RUSF1: variants seen among roughly 807,000 people sequenced by gnomAD.
RUSF1 encodes the protein RUS family member 1.
Under a neutral mutation model 63.0 loss-of-function variants are expected in RUSF1, and 58 were observed. The observed-to-expected ratio is 0.92, with a 90% CI of 0.75 to 1.15. RUSF1 has a LOEUF of 1.15. RUSF1 is among the 50% of genes most tolerant of loss of function. The pLI is 0.00. For missense variants in RUSF1, 652 were observed against 611.0 expected, an observed-to-expected ratio of 1.07 and a Z score of -0.71; for synonymous variants, 274 against 255.8, an observed-to-expected ratio of 1.07 and a Z score of -0.68.
Position 31,500,743 on chromosome 16 carries a change from A to G in RUSF1, c.416-12T>C, listed in dbSNP as rs1425177739. 2 of 1,612,090 alleles carry G rather than the reference A, an allele frequency of 1.2e-6. No individual in the cohort carries two copies. The highest frequency in any genetic ancestry group is 1.3e-5 in the African/African-American group (1 of 75,042). ...CATGCCAGTTGAATCTGGGGGAAAG[A>G]AGGCACAGGTAAGGAGCAAGGAAGA... On this transcript the variant is annotated splice_polypyrimidine_tract_variant and intron_variant, in intron 2 of 12. Coordinates refer to ENST00000327237, the MANE Select transcript of RUSF1 (RefSeq NM_022744.4).
chr16:31,490,756 G>A lies in RUSF1; in HGVS notation c.*79C>T, dbSNP rs1473841579. The A allele has an allele frequency of 6.7e-7, 1 of 1,503,314 alleles. No homozygotes were observed. The highest frequency in any genetic ancestry group is 9.2e-7 in the Non-Finnish European group (1 of 1,082,900). The allele number at this position is 1,503,314 out of a possible 1,614,324, so 93.1% of individuals were successfully genotyped here. On this transcript the variant is annotated 3_prime_UTR_variant, in exon 13 of 13. Coordinates refer to ENST00000327237, the MANE Select transcript of RUSF1 (RefSeq NM_022744.4). ...AGTTGCCCTAAGGAAAAATAAAGCT[G>A]CCTTTCCCCTGTCCTGCTGTGGCCA...
chr16:31,495,646 T>C (rs1463103714), intron 6 of RUSF1, among the ~76,000 whole-genome samples: 2 of 152,064 alleles, frequency 1.3e-5, no homozygotes, highest in African/African-American at 4.8e-5. Flanking sequence ...GGACCTGTGC[T>C]GTGCTTCCTG....
chr16:31,506,215 C>A (rs887575281), intron 2 of RUSF1, among the ~76,000 whole-genome samples: 1 of 152,274 alleles, frequency 6.6e-6, no homozygotes, highest in East Asian at 1.9e-4. Flanking sequence ...TTCATGCACA[C>A]CATTGAAAAT....
rs772859098 is a variant in RUSF1, at chr16:31,490,951, G to A, written c.1310-19C>T. The stretch of plus-strand genomic sequence containing the variant: ...TGCAGTCCTGGGGAGAGATCATGGG[G>A]TGCTGCCGGGAATGCTGGGGACAAG... On this transcript the variant is annotated intron_variant, in intron 12 of 12. Coordinates refer to ENST00000327237, the MANE Select transcript of RUSF1 (RefSeq NM_022744.4). 6.2e-7 allele frequency: 1 copy of A among 1,612,232 alleles called. No individual in the cohort carries two copies. Among genetic ancestry groups the A allele is most frequent in the South Asian group, 1.1e-5 (1 of 91,050 alleles).
Position 31,491,618 on chromosome 16 carries a change from C to CTTT in RUSF1, c.1309+388_1309+390dup, listed in dbSNP as rs955069758. On this transcript the variant is annotated intron_variant, in intron 12 of 12. Transcript: ENST00000327237. ...GGTGTGAGCCACTGTGCCCGACAGTCTTTTTTTTTTTTTTTTTTTTGAGAG... is the reference window on the plus strand; with the variant it reads ...GGTGTGAGCCACTGTGCCCGACAGTCTTTTTTTTTTTTTTTTTTTTTTTGAGAG... Among the ~76,000 whole-genome samples the CTTT allele has an allele frequency of 2.9e-3, 351 of 122,990 alleles. 6 individuals carry two copies. Among genetic ancestry groups the CTTT allele is most frequent in the African/African-American group, 0.01 (333 of 32,816 alleles). 80.7% of individuals were successfully genotyped at this position (122,990 alleles called of 152,430 possible).
rs1334827301 is a variant in RUSF1 at position 31,507,897 on chromosome 16, A to AG, written c.301-20dup. ...CAAACGCCTGGAGAAGAAAACAAGT[A>AG]GGGTGAGAAGCGGGCGTAGGAGCGT... On this transcript the variant is annotated intron_variant, in intron 1 of 12. Coordinates refer to ENST00000327237, the MANE Select transcript of RUSF1 (RefSeq NM_022744.4). 6.4e-6 allele frequency: 10 copies of AG among 1,551,486 alleles called. No individual in the cohort carries two copies. Among genetic ancestry groups the AG allele is most frequent in the African/African-American group, 1.4e-5 (1 of 73,088 alleles).
Position 31,489,910 on chromosome 16 carries a change from A to C in RUSF1, c.*925T>G. ...GGCCAACGGCTTTAAACACAAGCTC[A>C]GGGGCTTGGGGTTTATCCCGAGGGC... On this transcript the variant is annotated 3_prime_UTR_variant, in exon 13 of 13. Coordinates refer to ENST00000327237, the MANE Select transcript of RUSF1 (RefSeq NM_022744.4). 1 of 691,896 alleles carries C rather than the reference A, an allele frequency of 1.4e-6. No individual in the cohort carries two copies. The highest frequency in any genetic ancestry group is 1.8e-5 in the African/African-American group (1 of 56,676). The allele number at this position is 691,896 out of a possible 1,614,324, so 42.9% of individuals were successfully genotyped here. A position where few individuals can be genotyped will look rare whatever the true frequency, so the allele number is the denominator to read the frequency against.
At chr16:31,498,636 G>A (rs188530138) in intron 5 of RUSF1, among the ~76,000 whole-genome samples, 5 of 152,320 alleles carry the variant, frequency 3.3e-5, no homozygotes, top group Non-Finnish European at 7.3e-5. Context: ...GGGTTGTGCA[G>A]GCAACAGCTT....
chr16:31,495,164 G>A (rs1317333018), intron 6 of RUSF1, among the ~76,000 whole-genome samples: 2 of 152,182 alleles, frequency 1.3e-5, no homozygotes, highest in Non-Finnish European at 2.9e-5. Flanking sequence ...TCTAGGGGAA[G>A]GGACCCCAGG....
chr16:31,492,983 G>A lies in RUSF1; in HGVS notation c.1082C>T (p.Ser361Leu), dbSNP rs139919272. 4 of 1,610,272 alleles carry A rather than the reference G, an allele frequency of 2.5e-6. No homozygotes were observed. The African/African-American group carries it at 5.3e-5, about 22-fold the overall frequency. ...GGAGAATGAGGCACACTCACTTTGT[G>A]ACTGGTCCCAGCAGAGGAGGTAGGA... ...QESYLLCWDQSQNQVQVVLNQ... is the reference protein window; with the variant it reads ...QESYLLCWDQLQNQVQVVLNQ... Residue 361 changes from serine to leucine, a missense_variant, in exon 10 of 13, where the codon TCA (serine) becomes TTA (leucine). Physicochemically the swap from Ser to Leu is moderately radical, Grantham distance 145 (BLOSUM62 -2). Transcript: ENST00000327237.
In RUSF1 at chr16:31,508,326, G is replaced by A. The variant is rs1356397354; in HGVS notation, c.48C>T (p.Phe16=). The change falls in exon 1 of 13, where the codon TTC becomes TTT. Residue 16 remains phenylalanine, a synonymous_variant. Coordinates refer to ENST00000327237, the MANE Select transcript of RUSF1 (RefSeq NM_022744.4). The stretch of plus-strand genomic sequence containing the variant: ...GGCAGCCCCGTGCCTCCCCGGAGCC[G>A]AACTGCTCGGAACACAGCGGGGTCT... ...GLETPLCSEQ[F]GSGEARGCRA... The A allele has an allele frequency of 2.5e-6, 4 of 1,573,204 alleles. No homozygotes were observed. The African/African-American group carries it at 4.1e-5, about 16-fold the overall frequency.
At position 31,508,153 on chromosome 16, in the gene RUSF1, T is replaced by C. The variant is rs375345658; in HGVS notation, c.221A>G (p.Gln74Arg). The C allele has an allele frequency of 6.9e-6, 11 of 1,589,564 alleles. No homozygotes were observed. In the African/African-American group the frequency reaches 1.4e-4, roughly 20 times the overall value. The change falls in exon 1 of 13, where the codon CAG (glutamine) becomes CGG (arginine). Residue 74 changes from glutamine to arginine, a missense_variant. By Grantham distance (43) the Gln-to-Arg change is conservative. Coordinates refer to ENST00000327237, the MANE Select transcript of RUSF1 (RefSeq NM_022744.4). The part of the protein sequence containing the change: ...GAPSPPLSGL[Q>R]AVFLPQGFPD... ...GAAGCCCTGAGGCAGGAACACGGCC[T>C]GGAGCCCGGAGAGGGGCGGTGAGGG...
chr16:31,489,547 G>T lies in RUSF1; in HGVS notation c.*1288C>A. 3.2e-6 allele frequency: 2 copies of T among 616,732 alleles called. No individual in the cohort carries two copies. The highest frequency in any genetic ancestry group is 5.8e-6 in the Non-Finnish European group (2 of 345,584). The allele number at this position is 616,732 out of a possible 1,614,324, so 38.2% of individuals were successfully genotyped here. ...GGGGGAGGCTTGATGTTGATGGGTT[G>T]GTGATTAAAGCCTCCCAAAGCCAAT... On this transcript the variant is annotated 3_prime_UTR_variant, in exon 13 of 13. Coordinates refer to ENST00000327237, the MANE Select transcript of RUSF1 (RefSeq NM_022744.4).
At position 31,493,497 on chromosome 16, in the gene RUSF1, A is replaced by G; in HGVS notation, c.986T>C (p.Leu329Pro). ...GACCAAGCGGTGTAAGGGGACCCCC[A>G]GGGATAGAGACGGAGCTGGCCAGAA... ...TGFWPAPSLS[L>P]GVPLHRLVSS... The change falls in exon 9 of 13, where the codon CTG (leucine) becomes CCG (proline). Residue 329 changes from leucine to proline, a missense_variant. Leu to Pro is a moderately conservative substitution (Grantham distance 98, BLOSUM62 -3). Coordinates refer to ENST00000327237, the MANE Select transcript of RUSF1 (RefSeq NM_022744.4). The G allele has an allele frequency of 6.2e-7, 1 of 1,612,246 alleles. No homozygotes were observed.
At chr16:31,505,219 C>T (rs2082652631) in intron 2 of RUSF1, among the ~76,000 whole-genome samples, 1 of 152,216 alleles carries the variant, frequency 6.6e-6, no homozygotes, top group Non-Finnish European at 1.5e-5. Flanking sequence ...TAAGTCTGGC[C>T]TACGTGCACA....
chr16:31,499,422 G>T lies in RUSF1; in HGVS notation c.495-15C>A. The T allele has an allele frequency of 6.2e-7, 1 of 1,613,850 alleles. No homozygotes were observed. The highest frequency in any genetic ancestry group is 8.5e-7 in the Non-Finnish European group (1 of 1,179,910). On this transcript the variant is annotated splice_polypyrimidine_tract_variant and intron_variant, in intron 4 of 12. Coordinates refer to ENST00000327237, the MANE Select transcript of RUSF1 (RefSeq NM_022744.4). ...CCGCAAAAAGCCTGGGGAGGGATCAGAGGTTAGAGGTCAGAGGTAGGAGAC... is the reference window on the plus strand; with the variant it reads ...CCGCAAAAAGCCTGGGGAGGGATCATAGGTTAGAGGTCAGAGGTAGGAGAC...
At chr16:31,493,254 T>A (rs772165982) in intron 9 of RUSF1, 1 of 865,536 alleles carries the variant, frequency 1.2e-6, no homozygotes, top group South Asian at 1.4e-5. Flanking sequence ...CATCTACCCA[T>A]CCTTCCTTCA....
At chr16:31,495,560 G>A (rs1196829915) in intron 6 of RUSF1, among the ~76,000 whole-genome samples, 1 of 152,148 alleles carries the variant, frequency 6.6e-6, no homozygotes, top group Non-Finnish European at 1.5e-5. Flanking sequence ...ATGGCTTGGG[G>A]TTAGGGGGAG....
At position 31,493,742 on chromosome 16, in the gene RUSF1, G is replaced by A. The variant is rs770449145; in HGVS notation, c.819C>T (p.Tyr273=). ...CFFFLTALHI[Y]ANYRAVRALV... is the part of the protein sequence containing the mutation. The stretch of plus-strand genomic sequence containing the variant: ...GGGCTCGGACCGCGCGGTAGTTGGC[G>A]TAGATGTGGAGGGCAGTGAGGAAGA... Residue 273 remains tyrosine, a synonymous_variant, in exon 8 of 13, where the codon TAC becomes TAT. Transcript: ENST00000327237. 8 of 1,614,234 alleles carry A rather than the reference G, an allele frequency of 5.0e-6. No individual in the cohort carries two copies. The highest frequency in any genetic ancestry group is 6.8e-6 in the Non-Finnish European group (8 of 1,180,046).
Sources: allele counts gnomAD v4.1 joint callset (sites outside exome capture counted in the v4.1 genomes callset), GRCh38; gene constraint gnomAD v4.1.1; transcripts MANE v1.5; gene names NCBI Gene and HGNC (gene_info 2026-07-23, HGNC 2026-07-21).